The following TENM3 variants were observed in gnomAD, a reference collection of about 807,000 sequenced individuals.
TENM3 encodes the protein teneurin-3.
In TENM3, 63 loss-of-function variants were observed where a neutral mutation model predicts 255.1. The observed-to-expected ratio is 0.25, with a 90% confidence interval of 0.20 to 0.30. The LOEUF (loss-of-function observed/expected upper bound fraction) is 0.30. Among genes scored for constraint, TENM3 ranks in the 10% least tolerant of loss-of-function variants. TENM3 has a pLI of 1.00. For synonymous variants in TENM3, 1,306 were observed against 1,322.3 expected (o/e 0.99, Z 0.27); for missense variants, 2,929 against 3,461.1 (o/e 0.85, Z 3.86).
chr4:182,519,734 G>T (rs1038936510), intron 3 of TENM3, among the ~76,000 whole-genome samples: 1 of 152,102 alleles, frequency 6.6e-6, no homozygotes, highest in African/African-American at 2.4e-5. Flanking sequence ...ATAATCCAAA[G>T]TATTGAGCAG....
the TENM3 span, among the ~76,000 whole-genome samples, chr4:181,739,955 G>A: frequency 3.3e-5 from 5 of 152,318 alleles, no homozygotes; most frequent in African/African-American, 7.2e-5. Flanking sequence ...CGTAGCAACC[G>A]GCGCACATGC....
In TENM3 at chr4:182,792,239, C is replaced by T. The variant is rs755038501; in HGVS notation, c.5602-35C>T. The T allele has an allele frequency of 3.2e-6, 5 of 1,578,196 alleles. No homozygotes were observed. The highest frequency in any genetic ancestry group is 4.3e-6 in the Non-Finnish European group (5 of 1,158,060). Reference sequence around the variant, plus strand: ...AATCTGCTTTTGCATCTCCCGTTCACAAACACTGAGTAACAGTATGTTCTC... The same window carrying T: ...AATCTGCTTTTGCATCTCCCGTTCATAAACACTGAGTAACAGTATGTTCTC... On this transcript the variant is annotated intron_variant, in intron 25 of 27. Coordinates refer to ENST00000511685, the MANE Select transcript of TENM3 (RefSeq NM_001080477.4). The surrounding 1 kb of genome is among the most constrained non-coding windows in gnomAD (Gnocchi z 6.3).
At chr4:182,763,705 A>AT (rs1432850491) in intron 22 of TENM3, among the ~76,000 whole-genome samples, 3 of 152,210 alleles carry the variant, frequency 2.0e-5, no homozygotes, top group Non-Finnish European at 4.4e-5. Flanking sequence ...CAGGAACCTT[A>AT]TATCTGGAGG....
chr4:181,455,308 G>T, the TENM3 span, among the ~76,000 whole-genome samples: 1 of 151,950 alleles, frequency 6.6e-6, no homozygotes, highest in Admixed American at 6.6e-5. Context: ...TGGTTTAGAA[G>T]GATAGACAAT....
At chr4:182,100,736 C>CAT in the TENM3 span, among the ~76,000 whole-genome samples, 3 of 130,696 alleles carry the variant, frequency 2.3e-5, no homozygotes, top group Non-Finnish European at 4.8e-5. Flanking sequence ...CATATATACA[C>CAT]ATATATATAC....
At chr4:182,074,029 A>G in the TENM3 span, among the ~76,000 whole-genome samples, 1 of 152,210 alleles carries the variant, frequency 6.6e-6, no homozygotes, top group Non-Finnish European at 1.5e-5. Context: ...AATAGCTCAG[A>G]AATGTTATAA....
intron 3 of TENM3, among the ~76,000 whole-genome samples, chr4:182,428,143 T>G (rs1157434349): frequency 6.6e-6 from 1 of 152,170 alleles, no homozygotes; most frequent in Non-Finnish European, 1.5e-5. Flanking sequence ...AAAACCAACC[T>G]GGATTCAGAG....
the TENM3 span, among the ~76,000 whole-genome samples, chr4:181,575,165 T>C: frequency 2.0e-5 from 3 of 152,154 alleles, no homozygotes; most frequent in African/African-American, 7.2e-5. Context: ...GTTATCCTTG[T>C]AGCTATTGAT....
At chr4:182,149,336 A>G (rs556127782) in intron 1 of TENM3, among the ~76,000 whole-genome samples, 1 of 152,192 alleles carries the variant, frequency 6.6e-6, no homozygotes, top group African/African-American at 2.4e-5. Context: ...CACTGAAACT[A>G]CAATAGGATT....
the TENM3 span, among the ~76,000 whole-genome samples, chr4:181,560,887 T>C: frequency 1.1e-3 from 160 of 152,302 alleles, 2 homozygotes; most frequent in East Asian, 9.8e-3. Flanking sequence ...AAAGCTTTTT[T>C]TGTGGACAAC....
At chr4:182,768,921 G>A (rs1763946522) in intron 22 of TENM3, among the ~76,000 whole-genome samples, 1 of 152,184 alleles carries the variant, frequency 6.6e-6, no homozygotes, top group South Asian at 2.1e-4. Flanking sequence ...TTATGAATTT[G>A]AAACCATGAG....
chr4:182,142,382 G>T, upstream of TENM3: 1 of 165,416 alleles, frequency 6.0e-6, no homozygotes. Context: ...TCGGGAACAC[G>T]GGCTGTGGGT....
intron 6 of TENM3, among the ~76,000 whole-genome samples, chr4:182,666,307 G>T (rs1436118472): frequency 1.3e-5 from 2 of 152,190 alleles, no homozygotes; most frequent in African/African-American, 4.8e-5. Context: ...GTTTGAGAGG[G>T]TTGACTCCGA....
intron 22 of TENM3, among the ~76,000 whole-genome samples, chr4:182,758,044 T>A (rs1478491224): frequency 1.3e-5 from 2 of 152,218 alleles, no homozygotes; most frequent in Non-Finnish European, 2.9e-5. Context: ...ACTTTTCTAA[T>A]AAAATTAGCA....
the TENM3 span, among the ~76,000 whole-genome samples, chr4:181,862,701 A>T: frequency 6.6e-6 from 1 of 152,134 alleles, no homozygotes; most frequent in African/African-American, 2.4e-5. Context: ...CTAAATTGCT[A>T]CTTCATTATA....
chr4:182,317,582 G>A (rs2675536), intron 1 of TENM3, among the ~76,000 whole-genome samples: 45,867 of 151,830 alleles, frequency 0.3, 7,207 homozygotes, highest in Middle Eastern at 0.38. Context: ...TGCTGGAATT[G>A]CAGGTGTGAG....
At chr4:182,395,274 C>A (rs537444202) in intron 3 of TENM3, among the ~76,000 whole-genome samples, 53 of 152,128 alleles carry the variant, frequency 3.5e-4, no homozygotes, top group African/African-American at 1.2e-3. Flanking sequence ...GGAAATTAAC[C>A]CATTAGGAGA....
At chr4:182,489,852 T>C (rs59198685) in intron 3 of TENM3, among the ~76,000 whole-genome samples, 48,472 of 99,262 alleles carry the variant, frequency 0.49, 8,109 homozygotes, top group African/African-American at 0.53. Context: ...CCTCCTTCCT[T>C]TTCTTCCCTT....
chr4:181,448,148 C>A, the TENM3 span, among the ~76,000 whole-genome samples: 1 of 134,852 alleles, frequency 7.4e-6, no homozygotes, highest in Admixed American at 8.5e-5. Flanking sequence ...TCTTTGAAAT[C>A]CAGTAATTTT....
Sources: gnomAD v4.1 joint callset for allele counts (sites outside exome capture counted in the v4.1 genomes callset) on GRCh38, gnomAD v4.1.1 for gene constraint, Gnocchi (gnomAD v3.1) non-coding constraint, MANE v1.5 for transcripts, NCBI Gene and HGNC (gene_info 2026-07-23, HGNC 2026-07-21) for gene names.